Variants in CEACAM20 observed in about 807,000 individuals in gnomAD.
CEACAM20 encodes cell adhesion molecule CEACAM20.
CEACAM20 carries 50 observed loss-of-function variants against 61.2 expected under a neutral mutation model. The ratio of observed to expected loss-of-function variants is 0.82; its 90% CI spans 0.65 to 1.03. The LOEUF is 1.03. CEACAM20 is among the 50% of genes least tolerant of loss of function. The pLI, the probability that CEACAM20 is intolerant of heterozygous loss-of-function variation, is 0.00. For missense variants in CEACAM20, 683 were observed against 736.4 expected, an observed-to-expected ratio of 0.93 and a Z score of 0.84; for synonymous variants, 282 against 287.7, an observed-to-expected ratio of 0.98 and a Z score of 0.20.
intron 5 of CEACAM20, 47 bp from the exon 6 acceptor site, chr19:44,517,271 T>A (rs1441380519): frequency 6.3e-7 from 1 of 1,585,042 alleles, no homozygotes; most frequent in East Asian, 2.2e-5. Context: ...CATCAGCGAG[T>A]CATCCCATTC....
At position 44,529,550 on chromosome 19, in the gene CEACAM20, GC is replaced by G; in HGVS notation, c.-42del. 2 of 1,597,604 alleles carry G rather than the reference GC, an allele frequency of 1.3e-6. No homozygotes were observed. The highest frequency in any genetic ancestry group is 1.7e-6 in the Non-Finnish European group (2 of 1,165,886). On this transcript the variant is annotated 5_prime_UTR_variant, in exon 1 of 12. Transcript: ENST00000614924. ...ACTTCAGTGTGCCAGGCCGTCTGTC[GC>G]CCCGGCTTGCACACACAGATACAGT...
At position 44,516,993 on chromosome 19, in the gene CEACAM20, GA is replaced by G. The variant is rs1372997377; in HGVS notation, c.1261del (p.Ser421LeufsTer16). ...AGTGGAGCGGGCCAGGCCAGTGAGA[GA>G]GTTGGAGGCTGTGCAGTTGTAGATC... ...DGIYNCTASN[S>X]LTGLARSTSV... On this transcript the variant is annotated frameshift_variant, in exon 6 of 12. Coordinates refer to ENST00000614924, the MANE Select transcript of CEACAM20 (RefSeq NM_001102597.3). LOFTEE classifies it high-confidence loss of function. The G allele has an allele frequency of 6.3e-7, 1 of 1,598,952 alleles. No homozygotes were observed. The highest frequency in any genetic ancestry group is 8.5e-7 in the Non-Finnish European group (1 of 1,173,152).
intron 11 of CEACAM20, among the ~76,000 whole-genome samples, chr19:44,507,684 T>G (rs1449035095): frequency 6.6e-6 from 1 of 152,212 alleles, no homozygotes; most frequent in East Asian, 1.9e-4. Flanking sequence ...TCGAACTACA[T>G]TCAAAGGGTT....
chr19:44,526,532 T>C (rs1022903645), intron 1 of CEACAM20, among the ~76,000 whole-genome samples: 1 of 144,894 alleles, frequency 6.9e-6, no homozygotes, highest in African/African-American at 2.5e-5. Context: ...CACAAAAAAA[T>C]GAGTTCCCAG....
chr19:44,512,590 T>C (rs1293471253), intron 8 of CEACAM20, among the ~76,000 whole-genome samples: 1 of 152,342 alleles, frequency 6.6e-6, no homozygotes, highest in African/African-American at 2.4e-5. Flanking sequence ...ATTCATTCTG[T>C]CTACAACAAT....
At chr19:44,528,170 CCTTTCTTT>C in intron 1 of CEACAM20, among the ~76,000 whole-genome samples, 1 of 94,672 alleles carries the variant, frequency 1.1e-5, no homozygotes, top group African/African-American at 3.3e-5. Context: ...TTCTTTCTTT[CCTTTCTTT>C]CTTTCCTTTC....
intron 4 of CEACAM20, 111 bp from the exon 5 acceptor site, chr19:44,520,863 T>C (rs993648773): frequency 1.6e-5 from 17 of 1,041,358 alleles, no homozygotes; most frequent in East Asian, 2.4e-5. Context: ...TGTGTGTGTG[T>C]GTGTGTTACA....
rs374178407 is a variant in CEACAM20, at chr19:44,525,198, G to T, written c.99C>A (p.Thr33=). The T allele has an allele frequency of 3.4e-5, 55 of 1,609,470 alleles. 1 individual carries two copies. The African/African-American group carries it at 5.8e-4, about 17-fold the overall frequency. The change falls in exon 2 of 12, where the codon ACC becomes ACA. Residue 33 remains threonine (T), a synonymous_variant. Transcript: ENST00000614924. ...TGGCATCAAGTGGGTTGGCATTGAG[G>T]GTGAGCTGGGCTGCAGCTGGAGGAC... is the stretch of plus-strand genomic sequence containing the variant. ...VWSPPAAAQL[T]LNANPLDATQ...
intron 1 of CEACAM20, among the ~76,000 whole-genome samples, chr19:44,526,895 A>C (rs567765462): frequency 1.9e-4 from 28 of 149,086 alleles, no homozygotes; most frequent in South Asian, 8.6e-4. Flanking sequence ...AACAAACAAA[A>C]AAAAAACACG....
chr19:44,506,649 C>T (rs1252477005), intron 11 of CEACAM20, among the ~76,000 whole-genome samples: 3 of 152,188 alleles, frequency 2.0e-5, no homozygotes, highest in African/African-American at 7.2e-5. Flanking sequence ...GGCCACATGG[C>T]AAAGAACTGA....
At chr19:44,527,452 T>C (rs1277668356) in intron 1 of CEACAM20, among the ~76,000 whole-genome samples, 2 of 152,138 alleles carry the variant, frequency 1.3e-5, no homozygotes, top group African/African-American at 4.8e-5. Flanking sequence ...AGTTTCCCCA[T>C]TTGAAAAATG....
chr19:44,526,441 G>C (rs1207539866), intron 1 of CEACAM20, among the ~76,000 whole-genome samples: 4 of 151,934 alleles, frequency 2.6e-5, no homozygotes, highest in African/African-American at 9.7e-5. Context: ...GGAGTTTGAG[G>C]CTGCAGTGAG....
At chr19:44,523,692 C>T (rs768277856) in intron 3 of CEACAM20, among the ~76,000 whole-genome samples, 31 of 152,244 alleles carry the variant, frequency 2.0e-4, no homozygotes, top group South Asian at 1.0e-3. Flanking sequence ...GCTGGGATTA[C>T]AGGTGTGAGC....
chr19:44,516,881 T>C, intron 6 of CEACAM20, 65 bp downstream of exon 6: 1 of 1,528,564 alleles, frequency 6.5e-7, no homozygotes, highest in Non-Finnish European at 8.8e-7. Flanking sequence ...GTAGACTAGG[T>C]AGCTGGGACC....
At chr19:44,517,346 T>C in intron 5 of CEACAM20, 122 bp from the exon 6 acceptor site, 7 of 1,220,798 alleles carry the variant, frequency 5.7e-6, no homozygotes, top group Non-Finnish European at 5.7e-6. Flanking sequence ...TTTTCCTCCT[T>C]AGCTCTCTGA....
At chr19:44,518,099 A>G (rs377693710) in intron 5 of CEACAM20, among the ~76,000 whole-genome samples, 3 of 102,672 alleles carry the variant, frequency 2.9e-5, no homozygotes, top group African/African-American at 5.0e-5. Context: ...AGAAAGAAAG[A>G]AAGAAAGGAA....
intron 5 of CEACAM20, 44 bp downstream of exon 5, chr19:44,520,430 G>A (rs762148058): frequency 8.2e-6 from 13 of 1,589,746 alleles, no homozygotes; most frequent in Non-Finnish European, 9.4e-6. Flanking sequence ...AAGAGAAGGA[G>A]GGAAGCAGGG....
rs781770394 is a variant in CEACAM20, at chr19:44,512,033, C to T, written c.1559G>A (p.Arg520Gln). 1.4e-5 allele frequency: 22 copies of T among 1,609,466 alleles called. No individual in the cohort carries two copies. In the Admixed American group the frequency reaches 1.9e-4, roughly 14 times the overall value. ...EYRNISQLQG[R>Q]IRVELMQPPD... ...ATCACTCACCAGTTCGACTCTGATC[C>T]GTCCCTGAAGCTGGGATATATTGCG... is the stretch of plus-strand genomic sequence containing the variant. The change falls in exon 9 of 12, where the codon CGG (arginine) becomes CAG (glutamine). Residue 520 changes from arginine to glutamine, a missense_variant. By Grantham distance (43) the Arg-to-Gln change is conservative. Transcript: ENST00000614924.
intron 11 of CEACAM20, among the ~76,000 whole-genome samples, chr19:44,507,992 T>C (rs1970867119): frequency 6.6e-6 from 1 of 152,236 alleles, no homozygotes; most frequent in Admixed American, 6.5e-5. Context: ...TCCTCCATGG[T>C]AATTTATGTG....
Sources: allele counts gnomAD v4.1 joint callset (sites outside exome capture counted in the v4.1 genomes callset), GRCh38; gene constraint gnomAD v4.1.1; transcripts MANE v1.5; gene names NCBI Gene and HGNC (gene_info 2026-07-23, HGNC 2026-07-21).